KIAA0825: variants seen among roughly 807,000 people sequenced by gnomAD.
The protein encoded by KIAA0825 is uncharacterized protein KIAA0825.
Under a neutral mutation model 147.6 loss-of-function variants are expected in KIAA0825, and 119 were observed. That is an observed-to-expected ratio of 0.81 (90% CI 0.69 to 0.94). The LOEUF (loss-of-function observed/expected upper bound fraction) is 0.94. Ranked by LOEUF, KIAA0825 falls within the 40% of genes least tolerant of loss-of-function variation. The pLI, the probability that KIAA0825 is intolerant of heterozygous loss-of-function variation, is 0.00. For synonymous variants in KIAA0825, 470 were observed against 518.1 expected (o/e 0.91, Z 1.26); for missense variants, 1,381 against 1,472.7 (o/e 0.94, Z 1.02).
chr5:94,316,099 A>G (rs887355528), intron 20 of KIAA0825, among the ~76,000 whole-genome samples: 3 of 151,728 alleles, frequency 2.0e-5, no homozygotes, highest in Admixed American at 1.3e-4. Flanking sequence ...TTAAATCCAA[A>G]TGGTAATGAG....
chr5:94,604,143 A>G (rs1266384498), intron 1 of KIAA0825, among the ~76,000 whole-genome samples: 1 of 152,246 alleles, frequency 6.6e-6, no homozygotes, highest in Non-Finnish European at 1.5e-5. Flanking sequence ...TCATTGCCAC[A>G]TAGCACTTAC....
intron 20 of KIAA0825, among the ~76,000 whole-genome samples, chr5:94,372,926 C>A (rs968982169): frequency 6.6e-6 from 1 of 152,118 alleles, no homozygotes; most frequent in Non-Finnish European, 1.5e-5. Context: ...TAAATCATTG[C>A]TCTCAAGTTC....
chr5:94,520,358 A>G lies in KIAA0825; in HGVS notation c.860T>C (p.Met287Thr). ...ACAAAAATTTTCAAGAAATTTTGCCATTTCTTCTGTAACAGTATCCAGGTA... is the reference window on the plus strand; with the variant it reads ...ACAAAAATTTTCAAGAAATTTTGCCGTTTCTTCTGTAACAGTATCCAGGTA... ...ETYLDTVTEE[M>T]AKFLENFCEL... The change falls in exon 5 of 21, where the codon ATG becomes ACG. Residue 287 changes from methionine to threonine, a missense_variant. Transcript: ENST00000682413. 5.0e-6 allele frequency: 8 copies of G among 1,613,492 alleles called. No homozygotes were observed. The highest frequency in any genetic ancestry group is 6.8e-6 in the Non-Finnish European group (8 of 1,179,540).
chr5:94,428,740 T>C (rs1454044397), intron 14 of KIAA0825, among the ~76,000 whole-genome samples: 1 of 152,214 alleles, frequency 6.6e-6, no homozygotes, highest in East Asian at 1.9e-4. Context: ...GTGATGTTCA[T>C]TTTGAATAGT....
intron 1 of KIAA0825, among the ~76,000 whole-genome samples, chr5:94,607,439 C>G (rs1787694186): frequency 1.6e-5 from 1 of 62,482 alleles, no homozygotes. Flanking sequence ...CCTGGCCAAC[C>G]CTCTACTAAA....
chr5:94,468,133 A>C (rs1760779554), intron 10 of KIAA0825, among the ~76,000 whole-genome samples: 1 of 152,230 alleles, frequency 6.6e-6, no homozygotes, highest in South Asian at 2.1e-4. Context: ...CCTTGTCATA[A>C]GATCTAAGAG....
intron 20 of KIAA0825, among the ~76,000 whole-genome samples, chr5:94,322,656 G>T (rs1370048104): frequency 6.6e-6 from 1 of 151,596 alleles, no homozygotes; most frequent in Middle Eastern, 3.2e-3. Flanking sequence ...GAGGTAGCTG[G>T]GCCTGGAGCT....
At chr5:94,606,786 C>T (rs1161413651) in intron 1 of KIAA0825, among the ~76,000 whole-genome samples, 2 of 152,134 alleles carry the variant, frequency 1.3e-5, no homozygotes, top group Admixed American at 6.6e-5. Context: ...AGTGGGGGCT[C>T]GTGGTTCTGC....
At position 94,245,133 on chromosome 5, in the gene KIAA0825, G is replaced by A. The variant is rs570227992; in HGVS notation, c.3711-91009C>T. Reference sequence around the variant, plus strand: ...AGGCCAAAGGCTAAAACGTCCCTTGGTTAAAGATAAAATGCAAGGGAGTGG... The same window carrying A: ...AGGCCAAAGGCTAAAACGTCCCTTGATTAAAGATAAAATGCAAGGGAGTGG... On this transcript the variant is annotated intron_variant, in intron 20 of 20. Transcript: ENST00000682413. 4.6e-5 allele frequency among the ~76,000 whole-genome samples: 7 copies of A among 152,266 alleles called. No homozygotes were observed. In the East Asian group the frequency reaches 1.4e-3, roughly 29 times the overall value.
intron 1 of KIAA0825, chr5:94,593,116 C>G: frequency 1.3e-6 from 1 of 743,208 alleles, no homozygotes; most frequent in Admixed American, 1.8e-5. Context: ...TGGCAATACC[C>G]TGGTGAATGT....
At chr5:94,275,025 T>C (rs1482302288) in intron 20 of KIAA0825, among the ~76,000 whole-genome samples, 1 of 152,142 alleles carries the variant, frequency 6.6e-6, no homozygotes, top group East Asian at 1.9e-4. Context: ...ACTGTGCTAT[T>C]GCCTCAGAAG....
intron 20 of KIAA0825, among the ~76,000 whole-genome samples, chr5:94,350,677 T>A (rs1278177219): frequency 6.6e-6 from 1 of 152,048 alleles, no homozygotes; most frequent in Non-Finnish European, 1.5e-5. Context: ...AAAACAGTAA[T>A]CATATGATCA....
rs549059738 is a variant in KIAA0825, at chr5:94,374,721, C to G, written c.3710+9647G>C. Among the ~76,000 whole-genome samples the G allele has an allele frequency of 5.0e-4, 76 of 152,296 alleles. 1 individual carries two copies. In the South Asian group the frequency reaches 0.016, roughly 32 times the overall value. On this transcript the variant is annotated intron_variant, in intron 20 of 20. Coordinates refer to ENST00000682413, the MANE Select transcript of KIAA0825 (RefSeq NM_001145678.3). ...CAAAACCCTGCTGTCTGAGACTCTT[C>G]CTCCCCAATCCTCCTTCGCCCTCAC...
chr5:94,240,471 G>A (rs1471210977), intron 20 of KIAA0825, among the ~76,000 whole-genome samples: 1 of 152,080 alleles, frequency 6.6e-6, no homozygotes, highest in Non-Finnish European at 1.5e-5. Flanking sequence ...TAAATGTCTG[G>A]GCTGACTTAG....
intron 5 of KIAA0825, among the ~76,000 whole-genome samples, chr5:94,493,884 T>C (rs926434591): frequency 5.9e-5 from 9 of 151,916 alleles, no homozygotes; most frequent in Admixed American, 4.6e-4. Context: ...TAAAGAGAGG[T>C]AGATGTATAG....
At chr5:94,509,129 A>G (rs990004802) in intron 5 of KIAA0825, among the ~76,000 whole-genome samples, 2 of 152,230 alleles carry the variant, frequency 1.3e-5, no homozygotes, top group Non-Finnish European at 2.9e-5. Flanking sequence ...TTTATCAGAT[A>G]TACTGATCAC....
rs1296629242 is a variant in KIAA0825 at position 94,529,648 on chromosome 5, G to C, written c.132-5550C>G. On this transcript the variant is annotated intron_variant, in intron 3 of 20. Coordinates refer to ENST00000682413, the MANE Select transcript of KIAA0825 (RefSeq NM_001145678.3). ...CTAAAGAACAAGACTAGGAAAGTCA[G>C]AGGAATGGAGAAAGTTTTCCTCTTC... Among the ~76,000 whole-genome samples, 3 of 151,968 alleles carry C rather than the reference G, an allele frequency of 2.0e-5. No homozygotes were observed. The East Asian group carries it at 5.8e-4, about 29-fold the overall frequency.
chr5:94,381,312 T>C (rs1748374979), intron 20 of KIAA0825, among the ~76,000 whole-genome samples: 3 of 152,180 alleles, frequency 2.0e-5, no homozygotes, highest in Non-Finnish European at 4.4e-5. Context: ...TGTACGGTGG[T>C]GCCTCTGTGT....
intron 5 of KIAA0825, among the ~76,000 whole-genome samples, chr5:94,507,382 G>C (rs897230290): frequency 6.6e-6 from 1 of 152,118 alleles, no homozygotes; most frequent in Non-Finnish European, 1.5e-5. Flanking sequence ...GAATCCAGGA[G>C]GCGGAGGCTG....
Sources: gnomAD v4.1 joint callset for allele counts (sites outside exome capture counted in the v4.1 genomes callset) on GRCh38, gnomAD v4.1.1 for gene constraint, MANE v1.5 for transcripts, NCBI Gene and HGNC (gene_info 2026-07-23, HGNC 2026-07-21) for gene names.